Variants in GMCL1 observed in about 807,000 individuals in gnomAD.
GMCL1 encodes the protein germ cell-less protein-like 1.
Under a neutral mutation model 75.5 loss-of-function variants are expected in GMCL1, and 54 were observed. The ratio of observed to expected loss-of-function variants is 0.71; its 90% CI spans 0.57 to 0.90. GMCL1 has a LOEUF of 0.90. Among genes scored for constraint, GMCL1 ranks in the 40% least tolerant of loss-of-function variants. The pLI is 0.00. For missense variants in GMCL1, 537 were observed against 622.7 expected, an observed-to-expected ratio of 0.86 and a Z score of 1.47; for synonymous variants, 210 against 209.6, an observed-to-expected ratio of 1.00 and a Z score of -0.02.
intron 13 of GMCL1, among the ~76,000 whole-genome samples, chr2:69,877,996 C>T (rs1476039531): frequency 6.6e-6 from 1 of 152,126 alleles, no homozygotes; most frequent in Non-Finnish European, 1.5e-5. Flanking sequence ...TAGGAATTCT[C>T]ATTTTAGTGT....
intron 9 of GMCL1, among the ~76,000 whole-genome samples, chr2:69,859,742 T>TTAAAAAAAAAAAAAAAAAAAAAAAAAA (rs1553372489): frequency 2.5e-5 from 2 of 79,136 alleles, no homozygotes. Context: ...TCTCTCTCTC[T>TTAAAAAAAAAAAAAAAAAAAAAAAAAA]AAAAAAAAAA....
chr2:69,848,157 A>G (rs1417280427), intron 7 of GMCL1, among the ~76,000 whole-genome samples: 3 of 152,234 alleles, frequency 2.0e-5, no homozygotes, highest in Admixed American at 1.3e-4. Context: ...TGAGACTCAG[A>G]GCAGGTTTGA....
rs1434712526 is a variant in GMCL1, at chr2:69,864,173, C to A, written c.1143-727C>A. 2.0e-5 allele frequency among the ~76,000 whole-genome samples: 3 copies of A among 151,758 alleles called. No individual in the cohort carries two copies. The East Asian group carries it at 5.8e-4, about 29-fold the overall frequency. On this transcript the variant is annotated intron_variant, in intron 10 of 13. Coordinates refer to ENST00000282570, the MANE Select transcript of GMCL1 (RefSeq NM_178439.5). ...GATATCAAGGATATGTTTTATTAGTCTTATTTACACTTATTTATTTATTGT... is the reference window on the plus strand; with the variant it reads ...GATATCAAGGATATGTTTTATTAGTATTATTTACACTTATTTATTTATTGT...
chr2:69,871,435 G>A (rs1313672179), intron 12 of GMCL1, among the ~76,000 whole-genome samples: 1 of 152,176 alleles, frequency 6.6e-6, no homozygotes, highest in Non-Finnish European at 1.5e-5. Context: ...ATGTTCTAGA[G>A]ATGGGTGCAG....
At chr2:69,867,729 T>C (rs535703029) in intron 11 of GMCL1, among the ~76,000 whole-genome samples, 207 of 152,296 alleles carry the variant, frequency 1.4e-3, no homozygotes, top group African/African-American at 4.7e-3. Context: ...TCCAGACAGA[T>C]GAATGTGATT....
chr2:69,873,251 A>G (rs367603384), intron 13 of GMCL1, among the ~76,000 whole-genome samples: 6 of 152,206 alleles, frequency 3.9e-5, no homozygotes, highest in African/African-American at 1.4e-4. Context: ...TATTCAAGGA[A>G]CTGAAAGATG....
intron 1 of GMCL1, among the ~76,000 whole-genome samples, chr2:69,836,160 G>C (rs1674811642): frequency 6.6e-6 from 1 of 152,074 alleles, no homozygotes; most frequent in African/African-American, 2.4e-5. Context: ...CAAGGGTTCT[G>C]ATGGGCAGAT....
At chr2:69,837,451 TAGAAATTGAATAAA>T in intron 1 of GMCL1, 82 bp from the exon 2 acceptor site, 1 of 991,070 alleles carries the variant, frequency 1.0e-6, no homozygotes, top group Non-Finnish European at 1.4e-6. Flanking sequence ...CTCTATTTAA[TAGAAATTGAATAAA>T]AGGAGTATTT....
At chr2:69,865,114 G>A (rs1226117709) in intron 11 of GMCL1, 139 bp downstream of exon 11, 17 of 581,574 alleles carry the variant, frequency 2.9e-5, no homozygotes, top group East Asian at 1.8e-4. Context: ...TGATCTGCTG[G>A]GAAAGTAGTT....
chr2:69,830,297 G>T (rs1674635407), intron 1 of GMCL1, 145 bp downstream of exon 1: 1 of 1,107,904 alleles, frequency 9.0e-7, no homozygotes, highest in Non-Finnish European at 1.2e-6. Context: ...TGTGGAAGCC[G>T]GCCCGATGCG....
rs755291725 is a variant in GMCL1, at chr2:69,861,345, G to A, written c.1140G>A (p.Val380=). The A allele has an allele frequency of 3.1e-6, 5 of 1,601,008 alleles. No individual in the cohort carries two copies. The highest frequency in any genetic ancestry group is 3.5e-4 in the Middle Eastern group (2 of 5,770). ...TGCGGGCAGAACAGGACAGTGAGGTGGGGTAAGTATATTATACCTTATCAT... is the reference window on the plus strand; with the variant it reads ...TGCGGGCAGAACAGGACAGTGAGGTAGGGTAAGTATATTATACCTTATCAT... ...AMLRAEQDSE[V]GPQEINKEEL... Residue 380 remains valine, a splice_region_variant and synonymous_variant, in exon 10 of 14, where the codon GTG becomes GTA. Transcript: ENST00000282570.
At chr2:69,860,700 A>T (rs1675614543) in intron 9 of GMCL1, among the ~76,000 whole-genome samples, 1 of 152,262 alleles carries the variant, frequency 6.6e-6, no homozygotes, top group Admixed American at 6.5e-5. Flanking sequence ...TAACTATCCC[A>T]ATTTAAATGT....
chr2:69,862,723 C>A (rs1675691513), intron 10 of GMCL1, among the ~76,000 whole-genome samples: 1 of 151,528 alleles, frequency 6.6e-6, no homozygotes, highest in African/African-American at 2.4e-5. Flanking sequence ...TGCGCCATTG[C>A]ACTCCAGCCT....
chr2:69,873,314 T>A (rs1676035290), intron 13 of GMCL1, among the ~76,000 whole-genome samples: 1 of 152,032 alleles, frequency 6.6e-6, no homozygotes, highest in Admixed American at 6.6e-5. Context: ...GTGGATGGAG[T>A]TTGGGAGATT....
At position 69,869,793 on chromosome 2, in the gene GMCL1, C is replaced by G. The variant is rs1364110355; in HGVS notation, c.1293C>G (p.Phe431Leu). 3.2e-5 allele frequency: 52 copies of G among 1,613,950 alleles called. No individual in the cohort carries two copies. The highest frequency in any genetic ancestry group is 4.3e-5 in the Non-Finnish European group (51 of 1,180,010). ...LVTYTNRYIIFKRNTLNQPCS... is the reference protein window; with the variant it reads ...LVTYTNRYIILKRNTLNQPCS... Reference sequence around the variant, plus strand: ...CTTACACCAATCGATACATCATTTTCAAACGCAATACACTGAATCAGCCAT... The same window carrying G: ...CTTACACCAATCGATACATCATTTTGAAACGCAATACACTGAATCAGCCAT... The change falls in exon 12 of 14, where the codon TTC (phenylalanine) becomes TTG (leucine). Residue 431 changes from phenylalanine to leucine, a missense_variant. Coordinates refer to ENST00000282570, the MANE Select transcript of GMCL1 (RefSeq NM_178439.5).
In GMCL1 at chr2:69,830,117, G is replaced by T; in HGVS notation, c.225G>T (p.Gly75=). The change falls in exon 1 of 14, where the codon GGG becomes GGT. Residue 75 remains glycine, a synonymous_variant. Coordinates refer to ENST00000282570, the MANE Select transcript of GMCL1 (RefSeq NM_178439.5). ...AGACGGACGAGGATGAGGAGGAGGGGGACGAGCAGCAGCGGCTCCTCAACA... is the reference window on the plus strand; with the variant it reads ...AGACGGACGAGGATGAGGAGGAGGGTGACGAGCAGCAGCGGCTCCTCAACA... ...DSETDEDEEE[G]DEQQRLLNTP... 1 of 1,578,108 alleles carries T rather than the reference G, an allele frequency of 6.3e-7. No homozygotes were observed. The highest frequency in any genetic ancestry group is 8.6e-7 in the Non-Finnish European group (1 of 1,161,464).
intron 13 of GMCL1, among the ~76,000 whole-genome samples, chr2:69,878,540 C>T (rs1204641525): frequency 6.6e-6 from 1 of 151,988 alleles, no homozygotes; most frequent in East Asian, 1.9e-4. Context: ...AAAATTGAAG[C>T]CCAGTGAGAA....
intron 8 of GMCL1, among the ~76,000 whole-genome samples, chr2:69,853,588 G>A (rs1675380921): frequency 6.6e-6 from 1 of 152,058 alleles, no homozygotes; most frequent in African/African-American, 2.4e-5. Flanking sequence ...ATAGCAACAG[G>A]ACTGGGTATA....
At position 69,844,197 on chromosome 2, in the gene GMCL1, G is replaced by GT; in HGVS notation, c.758+2dup. The stretch of plus-strand genomic sequence containing the variant: ...ATGTTGAACTTTTTAAAGAACTCAG[G>GT]TATTTGAATTTCAAGTAACTTCATA... On this transcript the variant is annotated splice_donor_variant, in intron 6 of 13. Coordinates refer to ENST00000282570, the MANE Select transcript of GMCL1 (RefSeq NM_178439.5). LOFTEE classifies it high-confidence loss of function. 6.5e-7 allele frequency: 1 copy of GT among 1,532,270 alleles called. No individual in the cohort carries two copies. The highest frequency in any genetic ancestry group is 8.9e-7 in the Non-Finnish European group (1 of 1,124,526). The allele number at this position is 1,532,270 out of a possible 1,614,324, so 94.9% of individuals were successfully genotyped here.
Sources: allele counts gnomAD v4.1 joint callset (sites outside exome capture counted in the v4.1 genomes callset), GRCh38; gene constraint gnomAD v4.1.1; transcripts MANE v1.5; gene names NCBI Gene and HGNC (gene_info 2026-07-23, HGNC 2026-07-21).